RGPD3: variants seen among roughly 807,000 people sequenced by gnomAD.
RGPD3 encodes RANBP2 like and GRIP domain containing 3, also known as ranBP2-like and GRIP domain-containing protein 3.
Under a neutral mutation model 154.5 loss-of-function variants are expected in RGPD3, and 62 were observed. The ratio of observed to expected loss-of-function variants is 0.40; its 90% CI spans 0.33 to 0.50. The LOEUF is 0.50. Among genes scored for constraint, RGPD3 ranks in the 20% least tolerant of loss-of-function variants. The probability of loss-of-function intolerance (pLI) is 0.59; values close to 1 mark genes in which losing one functional copy is unlikely to be tolerated. For synonymous variants in RGPD3, 308 were observed against 607.0 expected (o/e 0.51, Z 7.24); for missense variants, 919 against 1,716.8 (o/e 0.54, Z 8.21).
intron 22 of RGPD3, among the ~76,000 whole-genome samples, chr2:106,411,986 T>TG (rs1448107674): frequency 1.3e-5 from 2 of 149,620 alleles, no homozygotes; most frequent in African/African-American, 2.5e-5. Flanking sequence ...AATTATTCAC[T>TG]GGGGAAAGAA....
At chr2:106,418,194 C>A (rs1419442432) in intron 20 of RGPD3, among the ~76,000 whole-genome samples, 1 of 145,064 alleles carries the variant, frequency 6.9e-6, no homozygotes, top group African/African-American at 2.5e-5. Context: ...ATTTTAATAG[C>A]AGCTATAAAT....
chr2:106,451,883 TA>T (rs1423283460), intron 6 of RGPD3, among the ~76,000 whole-genome samples: 3 of 151,188 alleles, frequency 2.0e-5, no homozygotes, highest in East Asian at 1.9e-4. Flanking sequence ...TATACTATTA[TA>T]AAAAAATAAA....
At chr2:106,418,070 G>C (rs1243978853) in intron 20 of RGPD3, among the ~76,000 whole-genome samples, 1 of 144,820 alleles carries the variant, frequency 6.9e-6, no homozygotes, top group Non-Finnish European at 1.5e-5. Flanking sequence ...GGAGGTTGTA[G>C]TGAGCCAAGA....
chr2:106,446,571 A>AG, intron 7 of RGPD3, among the ~76,000 whole-genome samples: 1 of 110,536 alleles, frequency 9.0e-6, no homozygotes, highest in Admixed American at 9.1e-5. Context: ...CTCCATCTCA[A>AG]AAAAAAAAAA....
At chr2:106,465,936 A>T (rs1480720762) in intron 1 of RGPD3, among the ~76,000 whole-genome samples, 1 of 151,818 alleles carries the variant, frequency 6.6e-6, no homozygotes, top group African/African-American at 2.4e-5. Flanking sequence ...TTGTCACTCG[A>T]CGCAGCCGCC....
intron 1 of RGPD3, 57 bp downstream of exon 1, chr2:106,468,138 CATCGAGGCCGCCGCCGGGCCGG>C: frequency 6.6e-7 from 1 of 1,513,126 alleles, no homozygotes; most frequent in South Asian, 1.2e-5. Context: ...ACGCCTGAGC[CATCGAGGCCGCCGCCGGGCCGG>C]GTCGAGGCCG....
intron 22 of RGPD3, among the ~76,000 whole-genome samples, chr2:106,412,454 C>A (rs1174459535): frequency 6.6e-6 from 1 of 151,334 alleles, no homozygotes; most frequent in Non-Finnish European, 1.5e-5. Flanking sequence ...GGACTACAGG[C>A]GCATGCCACC....
At position 106,420,250 on chromosome 2, in the gene RGPD3, T is replaced by G. The variant is rs924908816; in HGVS notation, c.4924+2793A>C. 1.9e-3 allele frequency among the ~76,000 whole-genome samples: 267 copies of G among 144,038 alleles called. 1 individual carries two copies. Among genetic ancestry groups the G allele is most frequent in the African/African-American group, 6.4e-3 (248 of 38,826 alleles). The allele number at this position is 144,038 out of a possible 152,430, so 94.5% of individuals were successfully genotyped here. A position where few individuals can be genotyped will look rare whatever the true frequency, so the allele number is the denominator to read the frequency against. The stretch of plus-strand genomic sequence containing the variant: ...CTAGATAAAATTAAATAAAAACTGT[T>G]ACTCTATGGGTAGCTAACACTATAA... On this transcript the variant is annotated intron_variant, in intron 20 of 22. Transcript: ENST00000409886.
rs1221402256 is a variant in RGPD3 at position 106,424,264 on chromosome 2, T to C, written c.3703A>G (p.Thr1235Ala). Residue 1235 changes from threonine to alanine, a missense_variant, in exon 20 of 23, where the codon ACA becomes GCA. Thr to Ala is a moderately conservative substitution (Grantham distance 58). Transcript: ENST00000409886. ...GTGTTTTCAGCATTGGGTTTTATTG[T>C]TGTGTCTGAGGCACCGGCCGCACCT... ...GTGAAGASDT[T>A]IKPNAENTGP... 1 of 1,611,914 alleles carries C rather than the reference T, an allele frequency of 6.2e-7. No homozygotes were observed. Among genetic ancestry groups the C allele is most frequent in the Admixed American group, 1.7e-5 (1 of 59,992 alleles).
chr2:106,438,761 G>A (rs1200357505), intron 9 of RGPD3, among the ~76,000 whole-genome samples: 2 of 147,226 alleles, frequency 1.4e-5, no homozygotes, highest in Non-Finnish European at 3.0e-5. Flanking sequence ...CAGCATGGGC[G>A]ACAAGAGCAA....
chr2:106,415,860 T>C lies in RGPD3; in HGVS notation c.5054A>G (p.Glu1685Gly). The change falls in exon 21 of 23, where the codon GAG (glutamate) becomes GGG (glycine). Residue 1685 changes from glutamate to glycine, a missense_variant. Transcript: ENST00000409886. ...EIEATNAVLM[E>G]QIKLLKSEIR... is the part of the protein sequence containing the mutation. ...GTTTTCTGATCTCACCTTAATTTGCTCCATAAGGACTGCATTGGTTGCCTC... is the reference window on the plus strand; with the variant it reads ...GTTTTCTGATCTCACCTTAATTTGCCCCATAAGGACTGCATTGGTTGCCTC... 6.2e-7 allele frequency: 1 copy of C among 1,611,810 alleles called. No homozygotes were observed. Among genetic ancestry groups the C allele is most frequent in the Non-Finnish European group, 8.5e-7 (1 of 1,179,836 alleles).
chr2:106,429,504 G>A (rs1677301709), intron 18 of RGPD3, 142 bp downstream of exon 18: 1 of 1,446,676 alleles, frequency 6.9e-7, no homozygotes, highest in Non-Finnish European at 9.3e-7. Flanking sequence ...ACCAAATACA[G>A]CTTTTGAAGT....
chr2:106,403,587 C>T lies in RGPD3; in HGVS notation c.*1632G>A, dbSNP rs2439167. Among the ~76,000 whole-genome samples, 20 of 151,486 alleles carry T rather than the reference C, an allele frequency of 1.3e-4. No homozygotes were observed. In the East Asian group the frequency reaches 3.5e-3, roughly 27 times the overall value. ...AGTTTATACAGACTTCAAAAGGTCT[C>T]AAGTCAAAGAGAAAGTGAAATATAT... On this transcript the variant is annotated 3_prime_UTR_variant, in exon 23 of 23. Coordinates refer to ENST00000409886, the MANE Select transcript of RGPD3 (RefSeq NM_001144013.2).
In RGPD3 at chr2:106,404,536, C is replaced by T. The variant is rs1289810712; in HGVS notation, c.*683G>A. 1.5e-5 allele frequency among the ~76,000 whole-genome samples: 2 copies of T among 130,072 alleles called. No individual in the cohort carries two copies. Among genetic ancestry groups the T allele is most frequent in the Admixed American group, 7.8e-5 (1 of 12,774 alleles). The allele number at this position is 130,072 out of a possible 152,430, so 85.3% of individuals were successfully genotyped here. ...TCACTTTTACCAACAAAGCTTTTTCCTTCATATTCTAATCACAAAAATTTC... is the reference window on the plus strand; with the variant it reads ...TCACTTTTACCAACAAAGCTTTTTCTTTCATATTCTAATCACAAAAATTTC... On this transcript the variant is annotated 3_prime_UTR_variant, in exon 23 of 23. Transcript: ENST00000409886.
chr2:106,450,720 A>AT (rs1678089898), intron 6 of RGPD3, among the ~76,000 whole-genome samples: 1 of 114,576 alleles, frequency 8.7e-6, no homozygotes, highest in Admixed American at 8.8e-5. Flanking sequence ...AAAAAAAAAA[A>AT]AAAAAAAAAA....
chr2:106,424,573 A>G lies in RGPD3; in HGVS notation c.3394T>C (p.Trp1132Arg), dbSNP rs1677122323. ...PLSGSDRAWM[W>R]SASDFSDGDA... ...CCATCAGAGAAATCACTGGCTGACCACATCCATGCTCTATCTGATCCAGAG... is the reference window on the plus strand; with the variant it reads ...CCATCAGAGAAATCACTGGCTGACCGCATCCATGCTCTATCTGATCCAGAG... The change falls in exon 20 of 23, where the codon TGG becomes CGG. Residue 1132 changes from tryptophan (W) to arginine (R), a missense_variant. By Grantham distance (101) the Trp-to-Arg change is moderately radical (BLOSUM62 -3). Coordinates refer to ENST00000409886, the MANE Select transcript of RGPD3 (RefSeq NM_001144013.2). 1 of 1,610,818 alleles carries G rather than the reference A, an allele frequency of 6.2e-7. No individual in the cohort carries two copies. Among genetic ancestry groups the G allele is most frequent in the Non-Finnish European group, 8.5e-7 (1 of 1,179,758 alleles).
intron 1 of RGPD3, among the ~76,000 whole-genome samples, chr2:106,467,763 C>G (rs1174241856): frequency 7.0e-6 from 1 of 142,222 alleles, no homozygotes; most frequent in Non-Finnish European, 1.5e-5. Context: ...CCGTCGGGAG[C>G]CATGACGCCT....
At position 106,404,072 on chromosome 2, in the gene RGPD3, A is replaced by G. The variant is rs1259676520; in HGVS notation, c.*1147T>C. On this transcript the variant is annotated 3_prime_UTR_variant, in exon 23 of 23. Coordinates refer to ENST00000409886, the MANE Select transcript of RGPD3 (RefSeq NM_001144013.2). ...CTACCACCTAAGGTTATTCAGAGGA[A>G]CTGTGAAGATGTAGCACGGACCTCT... Among the ~76,000 whole-genome samples, 1 of 152,138 alleles carries G rather than the reference A, an allele frequency of 6.6e-6. No individual in the cohort carries two copies. Among genetic ancestry groups the G allele is most frequent in the African/African-American group, 2.4e-5 (1 of 41,356 alleles).
At chr2:106,409,880 T>A (rs1409782834) in intron 22 of RGPD3, among the ~76,000 whole-genome samples, 1 of 147,602 alleles carries the variant, frequency 6.8e-6, no homozygotes, top group African/African-American at 2.5e-5. Flanking sequence ...ACTTTTTTTT[T>A]TTTTTTTTTT....
Sources: gnomAD v4.1 joint callset for allele counts (sites outside exome capture counted in the v4.1 genomes callset) on GRCh38, gnomAD v4.1.1 for gene constraint, MANE v1.5 for transcripts, NCBI Gene and HGNC (gene_info 2026-07-23, HGNC 2026-07-21) for gene names.